POLR1E: variants seen among roughly 807,000 people sequenced by gnomAD.
The protein encoded by POLR1E is DNA-directed RNA polymerase I subunit RPA49.
In POLR1E, 37 loss-of-function variants were observed where a neutral mutation model predicts 50.9. The ratio of observed to expected loss-of-function variants is 0.73; its 90% CI spans 0.56 to 0.96. POLR1E has a LOEUF of 0.96. POLR1E is among the 40% of genes least tolerant of loss of function. The pLI, the probability that POLR1E is intolerant of heterozygous loss-of-function variation, is 0.00. For missense variants in POLR1E, 426 were observed against 518.1 expected, an observed-to-expected ratio of 0.82 and a Z score of 1.73; for synonymous variants, 166 against 191.6, an observed-to-expected ratio of 0.87 and a Z score of 1.10.
In POLR1E at chr9:37,490,675, A is replaced by G. The variant is rs978897334; in HGVS notation, c.343+1275A>G. On this transcript the variant is annotated intron_variant, in intron 4 of 11. Transcript: ENST00000377798. ...AGAATCTTGCCCTTGTTTGTTTACA[A>G]CAATGCCAGCAGCATGCTAAACTGT... The G allele has an allele frequency of 6.0e-5, 42 of 702,664 alleles. 1 individual carries two copies. The Admixed American group carries it at 6.5e-4, about 11-fold the overall frequency. 43.5% of individuals were successfully genotyped at this position (702,664 alleles called of 1,614,324 possible). A position where few individuals can be genotyped will look rare whatever the true frequency, so the allele number is the denominator to read the frequency against.
At position 37,501,832 on chromosome 9, in the gene POLR1E, T is replaced by A; in HGVS notation, c.1088T>A (p.Leu363His). The A allele has an allele frequency of 6.2e-7, 1 of 1,613,600 alleles. No individual in the cohort carries two copies. The highest frequency in any genetic ancestry group is 8.5e-7 in the Non-Finnish European group (1 of 1,179,902). Residue 363 changes from leucine (L) to histidine (H), a missense_variant, in exon 11 of 12, where the codon CTC (leucine) becomes CAC (histidine). Coordinates refer to ENST00000377798, the MANE Select transcript of POLR1E (RefSeq NM_022490.4). ...ACAGTGTTACAGAGGGACTTGAAGC[T>A]CAGTGAGAAAAGGTGAGCACAACAG... is the stretch of plus-strand genomic sequence containing the variant. ...DLTVLQRDLK[L>H]SEKRMMEIAK...
Position 37,498,200 on chromosome 9 carries a change from G to A in POLR1E, c.862G>A (p.Ala288Thr), listed in dbSNP as rs150575813. 3.4e-4 allele frequency: 555 copies of A among 1,613,894 alleles called. 2 individuals are homozygous for A. The highest frequency in any genetic ancestry group is 1.3e-3 in the Middle Eastern group (8 of 6,062). The change falls in exon 9 of 12, where the codon GCT (alanine) becomes ACT (threonine). Residue 288 changes from alanine (A) to threonine (T), a missense_variant. Coordinates refer to ENST00000377798, the MANE Select transcript of POLR1E (RefSeq NM_022490.4). ...TCTGGATACCCTCATCAAATTTCGA[G>A]CTCATAGGGTAGTTAAGCGGAAAAG... ...WFLDTLIKFR[A>T]HRVVKRKSAL... is the part of the protein sequence containing the mutation.
chr9:37,495,418 C>A, intron 7 of POLR1E, 142 bp downstream of exon 7: 1 of 718,758 alleles, frequency 1.4e-6, no homozygotes, highest in South Asian at 1.6e-5. Context: ...GCTCAGTGCT[C>A]TTGCCAGGAG....
At position 37,503,143 on chromosome 9, in the gene POLR1E, C is replaced by T. The variant is rs2119024928; in HGVS notation, c.1201C>T (p.Leu401Phe). The T allele has an allele frequency of 2.5e-6, 4 of 1,613,794 alleles. No homozygotes were observed. Among genetic ancestry groups the T allele is most frequent in the Non-Finnish European group, 3.4e-6 (4 of 1,179,996 alleles). The part of the protein sequence containing the change: ...EEDHKLGTLS[L>F]PLPPAQTSDR... ...AGATCACAAGCTGGGCACCCTGTCC[C>T]TCCCGCTGCCTCCAGCCCAGACCTC... The change falls in exon 12 of 12, where the codon CTC becomes TTC. Residue 401 changes from leucine (L) to phenylalanine (F), a missense_variant. Coordinates refer to ENST00000377798, the MANE Select transcript of POLR1E (RefSeq NM_022490.4).
At chr9:37,494,823 G>C (rs1306845099) in intron 6 of POLR1E, among the ~76,000 whole-genome samples, 1 of 152,200 alleles carries the variant, frequency 6.6e-6, no homozygotes, top group Non-Finnish European at 1.5e-5. Context: ...TTTTCTAGAA[G>C]TTAAGCCATT....
Position 37,503,266 on chromosome 9 carries a change from C to A in POLR1E, c.*64C>A, listed in dbSNP as rs534196984. ...AGCCACTGGCTGGTCCTATTCATTT[C>A]CATTTTTATGTATGTTTTGAAAAGA... On this transcript the variant is annotated 3_prime_UTR_variant, in exon 12 of 12. Coordinates refer to ENST00000377798, the MANE Select transcript of POLR1E (RefSeq NM_022490.4). 2 of 1,500,776 alleles carry A rather than the reference C, an allele frequency of 1.3e-6. No individual in the cohort carries two copies. The highest frequency in any genetic ancestry group is 4.7e-5 in the East Asian group (2 of 42,956). The allele number at this position is 1,500,776 out of a possible 1,614,324, so 93.0% of individuals were successfully genotyped here.
In POLR1E at chr9:37,503,491, T is replaced by C. The variant is rs529003674; in HGVS notation, c.*289T>C. The C allele has an allele frequency of 2.2e-5, 5 of 230,068 alleles. No individual in the cohort carries two copies. The East Asian group carries it at 4.4e-4, about 20-fold the overall frequency. The allele number at this position is 230,068 out of a possible 1,614,324, so 14.3% of individuals were successfully genotyped here. A position where few individuals can be genotyped will look rare whatever the true frequency, so the allele number is the denominator to read the frequency against. ...TACTCGGGAGGCTGAGGCAGGACGA[T>C]TACTTGAGCTTGGGAAATCAAGGTT... On this transcript the variant is annotated 3_prime_UTR_variant, in exon 12 of 12. Transcript: ENST00000377798.
intron 4 of POLR1E, among the ~76,000 whole-genome samples, chr9:37,491,137 C>T (rs1820675978): frequency 2.0e-5 from 3 of 152,110 alleles, no homozygotes. Flanking sequence ...TTAGAATGCT[C>T]AGGGCTAGAG....
At chr9:37,488,258 C>G (rs1402041872) in intron 3 of POLR1E, among the ~76,000 whole-genome samples, 1 of 152,160 alleles carries the variant, frequency 6.6e-6, no homozygotes, top group Non-Finnish European at 1.5e-5. Flanking sequence ...TGAAGTTTAC[C>G]TGGGAACTAA....
intron 6 of POLR1E, among the ~76,000 whole-genome samples, chr9:37,494,678 A>G (rs967272024): frequency 1.3e-5 from 2 of 151,938 alleles, no homozygotes; most frequent in Non-Finnish European, 2.9e-5. Flanking sequence ...GGCTCAAGCC[A>G]TCCTCCCGCC....
chr9:37,498,286 T>G, intron 9 of POLR1E, 62 bp downstream of exon 9: 2 of 1,530,716 alleles, frequency 1.3e-6, no homozygotes, highest in Non-Finnish European at 1.8e-6. Context: ...CTGTAATTCT[T>G]AGATGAGTTC....
At chr9:37,495,664 C>T (rs907028774) in intron 7 of POLR1E, among the ~76,000 whole-genome samples, 2 of 152,184 alleles carry the variant, frequency 1.3e-5, no homozygotes, top group Non-Finnish European at 2.9e-5. Flanking sequence ...AAAATGCCTG[C>T]AGTGGCTTTG....
chr9:37,502,679 T>G (rs1430040236), intron 11 of POLR1E, among the ~76,000 whole-genome samples: 2 of 152,140 alleles, frequency 1.3e-5, no homozygotes, highest in Non-Finnish European at 2.9e-5. Context: ...CCACAGGCAG[T>G]GAGGCTGAAA....
chr9:37,499,285 T>G (rs1034984234), intron 9 of POLR1E, among the ~76,000 whole-genome samples: 1 of 151,978 alleles, frequency 6.6e-6, no homozygotes, highest in African/African-American at 2.4e-5. Context: ...AAACATTAGC[T>G]GGGGTGGTGC....
At chr9:37,498,936 T>C (rs1322561505) in intron 9 of POLR1E, among the ~76,000 whole-genome samples, 1 of 152,196 alleles carries the variant, frequency 6.6e-6, no homozygotes, top group Non-Finnish European at 1.5e-5. Context: ...TGTACAAACA[T>C]CATAGAGTAT....
chr9:37,491,411 A>G (rs1399462632), intron 4 of POLR1E, among the ~76,000 whole-genome samples: 2 of 152,120 alleles, frequency 1.3e-5, no homozygotes, highest in African/African-American at 4.8e-5. Flanking sequence ...AGAAACATAT[A>G]TGATACACAA....
At position 37,495,196 on chromosome 9, in the gene POLR1E, A is replaced by G; in HGVS notation, c.575A>G (p.Asp192Gly). 6.2e-7 allele frequency: 1 copy of G among 1,614,166 alleles called. No homozygotes were observed. The highest frequency in any genetic ancestry group is 1.1e-5 in the South Asian group (1 of 91,088). ...CTGGTCAGCGATGCTATCCACAATG[A>G]CTTGCAAGATGACTCCCTCTACCTT... is the stretch of plus-strand genomic sequence containing the variant. ...TALVSDAIHN[D>G]LQDDSLYLPP... The change falls in exon 7 of 12, where the codon GAC (aspartate) becomes GGC (glycine). Residue 192 changes from aspartate to glycine, a missense_variant. Asp to Gly is a moderately conservative substitution (Grantham distance 94, BLOSUM62 -1). Transcript: ENST00000377798.
At chr9:37,491,644 A>C (rs1266836842) in intron 4 of POLR1E, among the ~76,000 whole-genome samples, 2 of 152,012 alleles carry the variant, frequency 1.3e-5, no homozygotes, top group East Asian at 3.9e-4. Context: ...TTGTATTTTT[A>C]GTAGAGATGG....
chr9:37,494,498 T>C (rs941954415), intron 6 of POLR1E, among the ~76,000 whole-genome samples: 1 of 152,218 alleles, frequency 6.6e-6, no homozygotes, highest in South Asian at 2.1e-4. Context: ...AGTGCAGTGG[T>C]GCAGACATGG....
Sources: allele counts gnomAD v4.1 joint callset (sites outside exome capture counted in the v4.1 genomes callset), GRCh38; gene constraint gnomAD v4.1.1; transcripts MANE v1.5; gene names NCBI Gene and HGNC (gene_info 2026-07-23, HGNC 2026-07-21).